Variants in TMLHE observed in about 807,000 individuals in gnomAD.
The protein encoded by TMLHE is trimethyllysine hydroxylase, epsilon.
Under a neutral mutation model 25.7 loss-of-function variants are expected in TMLHE, and 18 were observed. The observed-to-expected ratio is 0.70, with a 90% CI of 0.48 to 1.04. The LOEUF (loss-of-function observed/expected upper bound fraction) is 1.04, where lower values mean the gene tolerates loss of function less well. Among genes scored for constraint, TMLHE ranks in the 50% least tolerant of loss-of-function variants. The pLI, the probability that TMLHE is intolerant of heterozygous loss-of-function variation, is 0.00. For missense variants in TMLHE, 236 were observed against 259.0 expected, an observed-to-expected ratio of 0.91 and a Z score of 0.61; for synonymous variants, 105 against 97.0, an observed-to-expected ratio of 1.08 and a Z score of -0.49.
At chrX:155,575,855 T>G (rs2067586112) in intron 1 of TMLHE, among the ~76,000 whole-genome samples, 1 of 111,840 alleles carries the variant, frequency 8.9e-6, no homozygotes, top group Non-Finnish European at 1.9e-5. Context: ...CTCAAAATAG[T>G]TAACAGCCAT....
intron 2 of TMLHE, among the ~76,000 whole-genome samples, chrX:155,537,938 C>G (rs1407560719): frequency 9.0e-6 from 1 of 111,679 alleles, no homozygotes; most frequent in Non-Finnish European, 1.9e-5. Context: ...TAAACCTAAC[C>G]AATTAATAAA....
chrX:155,535,429 T>TA (rs1569561982), intron 2 of TMLHE, among the ~76,000 whole-genome samples: 1 of 111,902 alleles, frequency 8.9e-6, no homozygotes, highest in East Asian at 2.8e-4. Context: ...CCTCAAATGA[T>TA]AGAGATAGAA....
At chrX:155,510,957 T>C (rs782637199) in intron 5 of TMLHE, among the ~76,000 whole-genome samples, 46 of 110,147 alleles carry the variant, frequency 4.2e-4, no homozygotes, top group African/African-American at 1.1e-3. Context: ...TGGTGTGAGA[T>C]GGTATCTCAT....
intron 1 of TMLHE, among the ~76,000 whole-genome samples, chrX:155,602,302 A>G (rs1449654463): frequency 8.9e-6 from 1 of 111,966 alleles, no homozygotes; most frequent in Non-Finnish European, 1.9e-5. Context: ...ATAAAGGACA[A>G]AAACCACATG....
chrX:155,511,702 A>G lies in TMLHE; in HGVS notation c.729T>C (p.Thr243=). ...AYTKLALDRH[T]DTTYFQEPCG... Reference sequence around the variant, plus strand: ...AGGGCTCTTGAAAATAGGTAGTGTCAGTGTGCCGATCCAGAGCTAGCTTGG... The same window carrying G: ...AGGGCTCTTGAAAATAGGTAGTGTCGGTGTGCCGATCCAGAGCTAGCTTGG... The change falls in exon 5 of 8, where the codon ACT becomes ACC. Residue 243 remains threonine (T), a synonymous_variant. Coordinates refer to ENST00000334398, the MANE Select transcript of TMLHE (RefSeq NM_018196.4). 8.3e-7 allele frequency: 1 copy of G among 1,203,570 alleles called. No individual in the cohort carries two copies. The highest frequency in any genetic ancestry group is 1.1e-6 in the Non-Finnish European group (1 of 890,153).
At chrX:155,572,070 A>G (rs1433946112) in intron 1 of TMLHE, among the ~76,000 whole-genome samples, 85 of 53,456 alleles carry the variant, frequency 1.6e-3, no homozygotes, top group African/African-American at 3.9e-3. Context: ...CGACATGATC[A>G]TATATCTAGA....
chrX:155,557,853 T>C (rs782214835), intron 1 of TMLHE, among the ~76,000 whole-genome samples: 2 of 111,433 alleles, frequency 1.8e-5, no homozygotes, highest in East Asian at 2.8e-4. Flanking sequence ...CAAGTCATGA[T>C]AACTTTTATC....
intron 6 of TMLHE, chrX:155,493,395 AGC>A (rs2067044318): frequency 9.6e-6 from 1 of 104,319 alleles, no homozygotes. Context: ...ACGTGGCTGG[AGC>A]TGAGTAAGCA....
rs915905263 is a variant in TMLHE at position 155,545,344 on chromosome X, C to T, written c.-1-67G>A. 8 of 822,655 alleles carry T rather than the reference C, an allele frequency of 9.7e-6. No homozygotes were observed. In the Admixed American group the frequency reaches 1.8e-4, roughly 18 times the overall value. The allele number at this position is 822,655 out of a possible 1,213,427, so 67.8% of individuals were successfully genotyped here. On this transcript the variant is annotated intron_variant, in intron 1 of 7. Coordinates refer to ENST00000334398, the MANE Select transcript of TMLHE (RefSeq NM_018196.4). Reference sequence around the variant, plus strand: ...AACTTTTATGAGGCTATAGGAATAACACTACAGATATAATTATGTAAAATG... The same window carrying T: ...AACTTTTATGAGGCTATAGGAATAATACTACAGATATAATTATGTAAAATG...
At chrX:155,508,638 T>A (rs1273852117) in intron 5 of TMLHE, among the ~76,000 whole-genome samples, 2 of 110,667 alleles carry the variant, frequency 1.8e-5, no homozygotes, top group Non-Finnish European at 3.8e-5. Flanking sequence ...GTCAGATATA[T>A]AGGAAGAAAA....
chrX:155,548,733 T>G (rs1160556163), intron 1 of TMLHE, among the ~76,000 whole-genome samples: 1 of 97,261 alleles, frequency 1.0e-5, no homozygotes, highest in African/African-American at 4.4e-5. Context: ...AGACTCTGTC[T>G]CAAAAAAAAA....
At chrX:155,512,759 CA>C (rs1333488472) in intron 4 of TMLHE, among the ~76,000 whole-genome samples, 1 of 111,629 alleles carries the variant, frequency 9.0e-6, no homozygotes, top group Non-Finnish European at 1.9e-5. Flanking sequence ...GATCCTCACT[CA>C]TCTTTTGGAC....
chrX:155,586,859 T>C (rs2067668092), intron 1 of TMLHE, among the ~76,000 whole-genome samples: 1 of 111,830 alleles, frequency 8.9e-6, no homozygotes, highest in South Asian at 3.7e-4. Context: ...AGTAGTGAGA[T>C]TGAACCAGTA....
At chrX:155,611,882 G>A (rs782288500) in intron 1 of TMLHE, among the ~76,000 whole-genome samples, 1 of 111,671 alleles carries the variant, frequency 9.0e-6, no homozygotes, top group Non-Finnish European at 1.9e-5. Flanking sequence ...ACTACAGTGT[G>A]TCCTGAAAGG....
chrX:155,515,764 A>C (rs2067148585), intron 3 of TMLHE, among the ~76,000 whole-genome samples: 1 of 111,284 alleles, frequency 9.0e-6, no homozygotes, highest in South Asian at 3.7e-4. Context: ...ATGTTTCTTT[A>C]ATGCAGGGAC....
chrX:155,607,075 A>G (rs1557347908), intron 1 of TMLHE, among the ~76,000 whole-genome samples: 1 of 111,878 alleles, frequency 8.9e-6, no homozygotes, highest in Non-Finnish European at 1.9e-5. Flanking sequence ...TATTGAAACT[A>G]TTCCAAAGAA....
At chrX:155,607,886 G>A (rs922278597) in intron 1 of TMLHE, among the ~76,000 whole-genome samples, 29 of 111,676 alleles carry the variant, frequency 2.6e-4, no homozygotes, top group Non-Finnish European at 1.1e-4. Context: ...AGAATTACAA[G>A]ACACTGCTGA....
At chrX:155,550,940 A>G (rs1269339542) in intron 1 of TMLHE, among the ~76,000 whole-genome samples, 2 of 110,937 alleles carry the variant, frequency 1.8e-5, no homozygotes, top group Non-Finnish European at 3.8e-5. Context: ...ACCCCAAAAG[A>G]AAAGAAAAAT....
intron 2 of TMLHE, among the ~76,000 whole-genome samples, chrX:155,530,173 ATGTC>A (rs1411150803): frequency 8.9e-6 from 1 of 112,045 alleles, no homozygotes; most frequent in African/African-American, 3.2e-5. Flanking sequence ...AAGAACCTAA[ATGTC>A]TGTTGATGGA....
Sources: gnomAD v4.1 joint callset for allele counts (sites outside exome capture counted in the v4.1 genomes callset) on GRCh38, gnomAD v4.1.1 for gene constraint, MANE v1.5 for transcripts, NCBI Gene and HGNC (gene_info 2026-07-23, HGNC 2026-07-21) for gene names.